The following OGFRL1 variants were observed in gnomAD, a reference collection of about 807,000 sequenced individuals.
The protein encoded by OGFRL1 is opioid growth factor receptor-like protein 1.
In OGFRL1, 26 loss-of-function variants were observed where a neutral mutation model predicts 32.4. That is an observed-to-expected ratio of 0.80 (90% CI 0.59 to 1.11). The LOEUF is 1.11. Among genes scored for constraint, OGFRL1 ranks in the 50% most tolerant of loss-of-function variants. The pLI is 0.00. For missense variants in OGFRL1, 521 were observed against 546.4 expected (o/e 0.95, Z 0.46); for synonymous variants, 211 against 201.2 (o/e 1.05, Z -0.41).
At chr6:71,297,467 C>A (rs1020227934) in intron 6 of OGFRL1, among the ~76,000 whole-genome samples, 2 of 151,912 alleles carry the variant, frequency 1.3e-5, no homozygotes, top group African/African-American at 2.4e-5. Context: ...TACTCATAAC[C>A]AAAGTTTATT....
At chr6:71,296,222 A>C (rs971534509) in intron 3 of OGFRL1, 95 bp from the exon 4 acceptor site, 2 of 793,608 alleles carry the variant, frequency 2.5e-6, no homozygotes, top group African/African-American at 3.5e-5. Context: ...ATTAAATTTA[A>C]ACAAGTTTTC....
rs1246214881 is a variant in OGFRL1 at position 71,302,882 on chromosome 6, T to G, written c.*833T>G. 1 of 152,212 alleles carries G rather than the reference T, an allele frequency of 6.6e-6. No individual in the cohort carries two copies. Among genetic ancestry groups the G allele is most frequent in the African/African-American group, 2.4e-5 (1 of 41,444 alleles). 9.4% of individuals were successfully genotyped at this position (152,212 alleles called of 1,614,324 possible). On this transcript the variant is annotated 3_prime_UTR_variant, in exon 7 of 7. Transcript: ENST00000370435. ...GTGTTTATTTTTAGATTCTGATAAG[T>G]GAAATGGATGTCCTTGTGGAGCTCT... is the stretch of plus-strand genomic sequence containing the variant.
intron 3 of OGFRL1, chr6:71,295,135 A>T (rs1271590505): frequency 6.6e-6 from 1 of 152,036 alleles, no homozygotes; most frequent in African/African-American, 2.4e-5. Flanking sequence ...ATACACACAC[A>T]CGCACACACG....
At chr6:71,298,682 A>G (rs1766289146) in intron 6 of OGFRL1, among the ~76,000 whole-genome samples, 1 of 152,166 alleles carries the variant, frequency 6.6e-6, no homozygotes, top group Non-Finnish European at 1.5e-5. Flanking sequence ...GTCAGCATAG[A>G]GCTTTTCCAG....
At position 71,293,317 on chromosome 6, in the gene OGFRL1, G is replaced by A; in HGVS notation, c.259G>A (p.Ala87Thr). ...GGGTGGTGATTCCACTGAAGCAACTGCCAAACCAAAGAGAAGTTTTTATGC... is the reference window on the plus strand; with the variant it reads ...GGGTGGTGATTCCACTGAAGCAACTACCAAACCAAAGAGAAGTTTTTATGC... ...EQGGDSTEATAKPKRSFYAAR... is the reference protein window; with the variant it reads ...EQGGDSTEATTKPKRSFYAAR... The change falls in exon 2 of 7, where the codon GCC becomes ACC. Residue 87 changes from alanine to threonine, a missense_variant. Physicochemically the swap from Ala to Thr is moderately conservative, Grantham distance 58. Transcript: ENST00000370435. The A allele has an allele frequency of 6.2e-7, 1 of 1,613,728 alleles. No homozygotes were observed. Among genetic ancestry groups the A allele is most frequent in the Non-Finnish European group, 8.5e-7 (1 of 1,179,788 alleles).
chr6:71,293,876 C>T (rs1034794349), intron 3 of OGFRL1, among the ~76,000 whole-genome samples: 1 of 152,146 alleles, frequency 6.6e-6, no homozygotes, highest in South Asian at 2.1e-4. Context: ...TATTAAGGAA[C>T]AGTAGAGAAG....
At chr6:71,301,340 C>T (rs1766378335) in intron 6 of OGFRL1, 46 bp from the exon 7 acceptor site, 1 of 1,455,272 alleles carries the variant, frequency 6.9e-7, no homozygotes. Context: ...TCCTGCCTTC[C>T]TACACCTGAT....
At position 71,308,404 on chromosome 6, in the gene OGFRL1, T is replaced by A. The variant is rs1766619195; in HGVS notation, c.*6355T>A. On this transcript the variant is annotated 3_prime_UTR_variant, in exon 7 of 7. Coordinates refer to ENST00000370435, the MANE Select transcript of OGFRL1 (RefSeq NM_024576.5). Reference sequence around the variant, plus strand: ...TAAGGTAATCTTTCTTTTTTAGTATTATCTAAGAAGGATGGTAGATTATGT... The same window carrying A: ...TAAGGTAATCTTTCTTTTTTAGTATAATCTAAGAAGGATGGTAGATTATGT... 6.7e-6 allele frequency: 1 copy of A among 150,218 alleles called. No homozygotes were observed. The highest frequency in any genetic ancestry group is 1.5e-5 in the Non-Finnish European group (1 of 66,894). 9.3% of individuals were successfully genotyped at this position (150,218 alleles called of 1,614,324 possible). A position where few individuals can be genotyped will look rare whatever the true frequency, so the allele number is the denominator to read the frequency against.
chr6:71,307,815 G>T lies in OGFRL1; in HGVS notation c.*5766G>T, dbSNP rs1766600187. 6.6e-6 allele frequency: 1 copy of T among 152,122 alleles called. No individual in the cohort carries two copies. The highest frequency in any genetic ancestry group is 6.6e-5 in the Admixed American group (1 of 15,250). 9.4% of individuals were successfully genotyped at this position (152,122 alleles called of 1,614,324 possible). On this transcript the variant is annotated 3_prime_UTR_variant, in exon 7 of 7. Transcript: ENST00000370435. ...CCAGTGCTAACAGATTTTGTTTCAT[G>T]TGAAGAAAAATAAAATACAAATGAA...
chr6:71,289,172 T>A lies in OGFRL1; in HGVS notation c.234+2T>A. 1 of 1,071,092 alleles carries A rather than the reference T, an allele frequency of 9.3e-7. No individual in the cohort carries two copies. The highest frequency in any genetic ancestry group is 1.1e-6 in the Non-Finnish European group (1 of 888,102). 66.3% of individuals were successfully genotyped at this position (1,071,092 alleles called of 1,614,324 possible). ...GCCGAGGCGGCGGGCGCCGAGCAGG[T>A]ACGCGGCCCAGCGGTGGCCTCGGGT... On this transcript the variant is annotated splice_donor_variant, in intron 1 of 6. Transcript: ENST00000370435. LOFTEE classifies it high-confidence loss of function.
rs1561956322 is a variant in OGFRL1 at position 71,307,389 on chromosome 6, AATTT to A, written c.*5349_*5352del. ...TCAGTTCTCATAAAATACCTGCTAC[AATTT>A]ATTTATTTTGTAGTTGTTTAGAAAA... On this transcript the variant is annotated 3_prime_UTR_variant, in exon 7 of 7. Coordinates refer to ENST00000370435, the MANE Select transcript of OGFRL1 (RefSeq NM_024576.5). 1.3e-5 allele frequency: 2 copies of A among 152,098 alleles called. No homozygotes were observed. The highest frequency in any genetic ancestry group is 2.4e-5 in the African/African-American group (1 of 41,406). 9.4% of individuals were successfully genotyped at this position (152,098 alleles called of 1,614,324 possible).
chr6:71,293,985 G>A (rs1384999552), intron 3 of OGFRL1, among the ~76,000 whole-genome samples: 1 of 152,166 alleles, frequency 6.6e-6, no homozygotes, highest in Non-Finnish European at 1.5e-5. Flanking sequence ...TTTCCATTGT[G>A]CCATAGCTGA....
intron 6 of OGFRL1, 51 bp downstream of exon 6, chr6:71,296,868 T>C (rs1332719849): frequency 1.3e-6 from 2 of 1,564,494 alleles, no homozygotes; most frequent in South Asian, 1.2e-5. Context: ...TATTTTCCCT[T>C]GGTCAGAGTT....
rs1766451038 is a variant in OGFRL1, at chr6:71,303,170, T to C, written c.*1121T>C. 2.0e-5 allele frequency: 3 copies of C among 152,342 alleles called. No individual in the cohort carries two copies. The South Asian group carries it at 6.2e-4, about 32-fold the overall frequency. 9.4% of individuals were successfully genotyped at this position (152,342 alleles called of 1,614,324 possible). A position where few individuals can be genotyped will look rare whatever the true frequency, so the allele number is the denominator to read the frequency against. On this transcript the variant is annotated 3_prime_UTR_variant, in exon 7 of 7. Coordinates refer to ENST00000370435, the MANE Select transcript of OGFRL1 (RefSeq NM_024576.5). Reference sequence around the variant, plus strand: ...TCTAAACAATACAGTATAACAACTATTGACATAGCATTTATATTGTATGTA... The same window carrying C: ...TCTAAACAATACAGTATAACAACTACTGACATAGCATTTATATTGTATGTA...
rs1034574168 is a variant in OGFRL1, at chr6:71,289,107, C to G, written c.171C>G (p.Ala57=). The change falls in exon 1 of 7, where the codon GCC becomes GCG. Residue 57 remains alanine (A), a synonymous_variant. Coordinates refer to ENST00000370435, the MANE Select transcript of OGFRL1 (RefSeq NM_024576.5). Reference sequence around the variant, plus strand: ...AGCCCGCGCAGCCCCCGGAGCAAGCCGGCGGGCGGCCCGGCGCCAGCCCCG... The same window carrying G: ...AGCCCGCGCAGCCCCCGGAGCAAGCGGGCGGGCGGCCCGGCGCCAGCCCCG... ...SEQPAQPPEQ[A]GGRPGASPAP... 1 of 1,113,190 alleles carries G rather than the reference C, an allele frequency of 9.0e-7. No homozygotes were observed. Among genetic ancestry groups the G allele is most frequent in the Non-Finnish European group, 1.1e-6 (1 of 913,580 alleles). The allele number at this position is 1,113,190 out of a possible 1,614,324, so 69.0% of individuals were successfully genotyped here.
At chr6:71,296,212 AT>A in intron 3 of OGFRL1, 104 bp from the exon 4 acceptor site, 1 of 722,688 alleles carries the variant, frequency 1.4e-6, no homozygotes. Context: ...GTGTGCTATT[AT>A]TAAATTTAAA....
rs533911077 is a variant in OGFRL1, at chr6:71,304,411, G to C, written c.*2362G>C. 2 of 152,232 alleles carry C rather than the reference G, an allele frequency of 1.3e-5. No homozygotes were observed. The highest frequency in any genetic ancestry group is 4.8e-5 in the African/African-American group (2 of 41,556). The allele number at this position is 152,232 out of a possible 1,614,324, so 9.4% of individuals were successfully genotyped here. On this transcript the variant is annotated 3_prime_UTR_variant, in exon 7 of 7. Transcript: ENST00000370435. ...TAGTTCTACAGGGTTTAGAGGATGA[G>C]AAGCGATTGTCAAATTAGGCTGAAT...
chr6:71,289,505 A>T lies in OGFRL1; in HGVS notation c.234+335A>T, dbSNP rs1765973501. ...AAGGTGGGGTGGGAGGAACCTGTCT[A>T]AAAATAGAGGATTTTGACAACCCCT... On this transcript the variant is annotated intron_variant, in intron 1 of 6. Coordinates refer to ENST00000370435, the MANE Select transcript of OGFRL1 (RefSeq NM_024576.5). The T allele has an allele frequency of 3.1e-6, 3 of 981,080 alleles. No individual in the cohort carries two copies. In the South Asian group the frequency reaches 1.4e-4, roughly 47 times the overall value. 60.8% of individuals were successfully genotyped at this position (981,080 alleles called of 1,614,324 possible). A position where few individuals can be genotyped will look rare whatever the true frequency, so the allele number is the denominator to read the frequency against.
intron 1 of OGFRL1, among the ~76,000 whole-genome samples, chr6:71,290,846 G>C (rs910245093): frequency 6.6e-6 from 1 of 152,232 alleles, no homozygotes; most frequent in Non-Finnish European, 1.5e-5. Context: ...GGAGAATGCA[G>C]CTATGGAGGT....
Sources: gnomAD v4.1 joint callset for allele counts (sites outside exome capture counted in the v4.1 genomes callset) on GRCh38, gnomAD v4.1.1 for gene constraint, MANE v1.5 for transcripts, NCBI Gene and HGNC (gene_info 2026-07-23, HGNC 2026-07-21) for gene names.